FHIP1B: variants seen among roughly 807,000 people sequenced by gnomAD.
FHIP1B encodes FHF complex subunit HOOK interacting protein 1B.
FHIP1B carries 28 observed loss-of-function variants against 82.2 expected under a neutral mutation model. The ratio of observed to expected loss-of-function variants is 0.34; its 90% confidence interval spans 0.25 to 0.47. The LOEUF is 0.47. Among genes scored for constraint, FHIP1B ranks in the 20% least tolerant of loss-of-function variants. The pLI is 1.00. For missense variants in FHIP1B, 1,110 were observed against 1,262.6 expected, an observed-to-expected ratio of 0.88 and a Z score of 1.83; for synonymous variants, 585 against 516.1, an observed-to-expected ratio of 1.13 and a Z score of -1.81.
chr11:6,224,507 T>A lies in FHIP1B; in HGVS notation c.10A>T (p.Met4Leu), dbSNP rs1466285871. ...GAGGCCAGTCTGCTCAGCCAATTCA[T>A]CCTCTCCATGAGGCAGGCTGGGCAG... Reference protein sequence around the residue: MERMNWLSRLASRG... With the variant: MERLNWLSRLASRG... Residue 4 changes from methionine (M) to leucine (L), a missense_variant, in exon 2 of 12, where the codon ATG (methionine) becomes TTG (leucine). Around this residue, in one of 6 missense-constraint regions of FHIP1B, gnomAD observed 467 missense variants for 602.9 expected, o/e 0.77. Coordinates refer to ENST00000449352, the MANE Select transcript of FHIP1B (RefSeq NM_001098794.2). 14 of 1,612,164 alleles carry A rather than the reference T, an allele frequency of 8.7e-6. No individual in the cohort carries two copies. Among genetic ancestry groups the A allele is most frequent in the Middle Eastern group, 1.7e-4 (1 of 6,044 alleles).
At chr11:6,217,116 C>A (rs1330122530) in intron 9 of FHIP1B, 1 of 703,152 alleles carries the variant, frequency 1.4e-6, no homozygotes, top group Non-Finnish European at 2.6e-6. Flanking sequence ...AGAGGAGGAA[C>A]ATGCACATAG....
chr11:6,233,856 C>A (rs1341630633), intron 1 of FHIP1B, among the ~76,000 whole-genome samples: 3 of 152,180 alleles, frequency 2.0e-5, no homozygotes, highest in Non-Finnish European at 2.9e-5. Context: ...TTCAACTATG[C>A]AGTCCAGAGA....
At position 6,214,435 on chromosome 11, in the gene FHIP1B, C is replaced by G; in HGVS notation, c.2533G>C (p.Ala845Pro). 1 of 1,612,758 alleles carries G rather than the reference C, an allele frequency of 6.2e-7. No homozygotes were observed. The highest frequency in any genetic ancestry group is 1.1e-5 in the South Asian group (1 of 90,922). The stretch of plus-strand genomic sequence containing the variant: ...CCTAGGGGATCAGAACGGCGTGGGG[C>G]AGGTCCTGCTGCAGGGCCCTCAGCC... ...DWAEGPAAGPAPRRSDPLVKS... is the reference protein window; with the variant it reads ...DWAEGPAAGPPPRRSDPLVKS... The change falls in exon 11 of 12, where the codon GCC (alanine) becomes CCC (proline). Residue 845 changes from alanine to proline, a missense_variant. Ala to Pro is a conservative substitution (Grantham distance 27, BLOSUM62 -1). Coordinates refer to ENST00000449352, the MANE Select transcript of FHIP1B (RefSeq NM_001098794.2).
chr11:6,218,797 G>A (rs769220491), intron 7 of FHIP1B, 34 bp from the exon 8 acceptor site: 15 of 1,609,728 alleles, frequency 9.3e-6, no homozygotes, highest in Non-Finnish European at 1.2e-5. Flanking sequence ...ACACAGGGTA[G>A]ATCAGGAAGG....
chr11:6,219,115 A>G (rs1247784425), intron 6 of FHIP1B, 65 bp from the exon 7 acceptor site: 10 of 1,356,976 alleles, frequency 7.4e-6, no homozygotes, highest in Non-Finnish European at 9.3e-6. Context: ...GCCATTCACC[A>G]AACGGGAACC....
chr11:6,223,545 G>A lies in FHIP1B; in HGVS notation c.777+65C>T. 1 of 1,503,988 alleles carries A rather than the reference G, an allele frequency of 6.6e-7. No homozygotes were observed. Among genetic ancestry groups the A allele is most frequent in the Non-Finnish European group, 8.9e-7 (1 of 1,122,256 alleles). The allele number at this position is 1,503,988 out of a possible 1,614,324, so 93.2% of individuals were successfully genotyped here. On this transcript the variant is annotated intron_variant, in intron 3 of 11. Transcript: ENST00000449352. This position sits in a 1 kb window ranked among gnomAD's most constrained non-coding sequence, Gnocchi z 4.8. The stretch of plus-strand genomic sequence containing the variant: ...GGAACATAGCCTCTCCCCATCTCCT[G>A]GATAGGAAGGTGCTGTTCAGTATCT...
intron 11 of FHIP1B, among the ~76,000 whole-genome samples, chr11:6,213,112 C>T (rs749201242): frequency 1.3e-5 from 2 of 152,134 alleles, no homozygotes; most frequent in African/African-American, 4.8e-5. Context: ...CTAAAGTGAC[C>T]CCAGCACCAG....
intron 1 of FHIP1B, among the ~76,000 whole-genome samples, chr11:6,228,653 C>T (rs574914058): frequency 3.3e-5 from 5 of 152,334 alleles, no homozygotes; most frequent in African/African-American, 1.2e-4. Flanking sequence ...ATCCAATCCA[C>T]CACCAACCCC....
Position 6,218,667 on chromosome 11 carries a change from T to G in FHIP1B, c.1368A>C (p.Leu456=). Reference sequence around the variant, plus strand: ...CGTGGTGCCGACAACAGCGTGGGATTAGGGAGAGAAACTTGTCAGCTGCTC... The same window carrying G: ...CGTGGTGCCGACAACAGCGTGGGATGAGGGAGAGAAACTTGTCAGCTGCTC... ...YGRAADKFLS[L]IPRCCRHHAP... Residue 456 remains leucine (L), a synonymous_variant, in exon 8 of 12, where the codon CTA becomes CTC. Coordinates refer to ENST00000449352, the MANE Select transcript of FHIP1B (RefSeq NM_001098794.2). The G allele has an allele frequency of 6.2e-7, 1 of 1,614,070 alleles. No individual in the cohort carries two copies.
At chr11:6,225,398 T>C (rs1243614329) in intron 1 of FHIP1B, among the ~76,000 whole-genome samples, 6 of 152,224 alleles carry the variant, frequency 3.9e-5, no homozygotes, top group African/African-American at 1.4e-4. Context: ...TCTCCCCAGA[T>C]AGGCCCTGCC....
rs142507687 is a variant in FHIP1B at position 6,218,128 on chromosome 11, G to C, written c.1458C>G (p.Asp486Glu). The change falls in exon 9 of 12, where the codon GAC becomes GAG. Residue 486 changes from aspartate to glutamate, a missense_variant. By Grantham distance (45) the Asp-to-Glu change is conservative (BLOSUM62 2). Transcript: ENST00000449352. ...WARGPGSPSV[D>E]SSSVTTVPRP... is the part of the protein sequence containing the mutation. ...GGGGTACTGTCGTCACAGAAGAGGA[G>C]TCCACACTTGGGCTTCCAGGACCTG... 6.2e-7 allele frequency: 1 copy of C among 1,612,342 alleles called. No homozygotes were observed. Among genetic ancestry groups the C allele is most frequent in the South Asian group, 1.1e-5 (1 of 90,904 alleles).
At chr11:6,216,856 G>A in intron 9 of FHIP1B, 2 of 584,736 alleles carry the variant, frequency 3.4e-6, no homozygotes, top group Non-Finnish European at 6.1e-6. Context: ...TTGAAGAGGT[G>A]GGGAGGAAGG....
In FHIP1B at chr11:6,224,523, G is replaced by C. The variant is rs781296591; in HGVS notation, c.-7C>G. ...GCCAATTCATCCTCTCCATGAGGCA[G>C]GCTGGGCAGGACTGGCAGCCAGAGG... On this transcript the variant is annotated 5_prime_UTR_variant, in exon 2 of 12. Transcript: ENST00000449352. 1.2e-6 allele frequency: 2 copies of C among 1,606,714 alleles called. No homozygotes were observed. Among genetic ancestry groups the C allele is most frequent in the South Asian group, 2.2e-5 (2 of 90,068 alleles).
intron 6 of FHIP1B, among the ~76,000 whole-genome samples, chr11:6,221,375 A>T (rs1339710797): frequency 6.6e-6 from 1 of 152,212 alleles, no homozygotes; most frequent in Non-Finnish European, 1.5e-5. Flanking sequence ...AAATGGTCCC[A>T]GAGGCAAAAT....
chr11:6,216,914 A>G (rs1201270477), intron 9 of FHIP1B: 4 of 605,322 alleles, frequency 6.6e-6, no homozygotes, highest in Middle Eastern at 4.4e-4. Context: ...AGGCCCCAGG[A>G]GAGCTGACAG....
At position 6,224,198 on chromosome 11, in the gene FHIP1B, T is replaced by G; in HGVS notation, c.189A>C (p.Ala63=). The G allele has an allele frequency of 6.2e-7, 1 of 1,612,684 alleles. No homozygotes were observed. Among genetic ancestry groups the G allele is most frequent in the African/African-American group, 1.3e-5 (1 of 75,022 alleles). Residue 63 remains alanine, a synonymous_variant, in exon 3 of 12, where the codon GCA becomes GCC. Transcript: ENST00000449352. ...GGTTGCGCACAGCACTGAGATCGTC[T>G]GCACCCCCAGGAGCTGCCCGAGGGC... is the stretch of plus-strand genomic sequence containing the variant. ...RQGPRAAPGG[A]DDLSAVRNHT...
In FHIP1B at chr11:6,224,554, A is replaced by G. The variant is rs776171605; in HGVS notation, c.-38T>C. Reference sequence around the variant, plus strand: ...GCAGGACTGGCAGCCAGAGGCCTACACTCTGAGGATTTGCCAGCTGGAGGT... The same window carrying G: ...GCAGGACTGGCAGCCAGAGGCCTACGCTCTGAGGATTTGCCAGCTGGAGGT... On this transcript the variant is annotated 5_prime_UTR_variant, in exon 2 of 12. Coordinates refer to ENST00000449352, the MANE Select transcript of FHIP1B (RefSeq NM_001098794.2). 1.3e-6 allele frequency: 2 copies of G among 1,557,132 alleles called. No homozygotes were observed. The highest frequency in any genetic ancestry group is 2.0e-5 in the Admixed American group (1 of 48,804).
At chr11:6,231,968 T>G (rs757780077) in intron 1 of FHIP1B, among the ~76,000 whole-genome samples, 1 of 152,226 alleles carries the variant, frequency 6.6e-6, no homozygotes, top group African/African-American at 2.4e-5. Context: ...ACAGACTATA[T>G]GTTGAAGAAG....
chr11:6,223,288 A>T lies in FHIP1B; in HGVS notation c.778-50T>A. ...TATATAAAATACATTTATAAAATAT[A>T]AAAACTGGAACAGGGGAGCTAGTAA... On this transcript the variant is annotated intron_variant, in intron 3 of 11. Coordinates refer to ENST00000449352, the MANE Select transcript of FHIP1B (RefSeq NM_001098794.2). The surrounding 1 kb of genome is among the most constrained non-coding windows in gnomAD (Gnocchi z 4.8). The T allele has an allele frequency of 6.5e-7, 1 of 1,540,316 alleles. No individual in the cohort carries two copies. Among genetic ancestry groups the T allele is most frequent in the Non-Finnish European group, 8.7e-7 (1 of 1,144,770 alleles).
Sources: gnomAD v4.1 joint callset for allele counts (sites outside exome capture counted in the v4.1 genomes callset) on GRCh38, gnomAD v4.1.1 for gene constraint, gnomAD v4.1.1 regional missense constraint, Gnocchi (gnomAD v3.1) non-coding constraint, MANE v1.5 for transcripts, NCBI Gene and HGNC (gene_info 2026-07-23, HGNC 2026-07-21) for gene names.